ZNF804A: variants seen among roughly 807,000 people sequenced by gnomAD.
ZNF804A encodes the protein zinc finger protein 804A.
Under a neutral mutation model 16.5 loss-of-function variants are expected in ZNF804A, and 2 were observed. That is an observed-to-expected ratio of 0.12 (90% CI 0.05 to 0.38). ZNF804A has a LOEUF of 0.38. ZNF804A is among the 10% of genes least tolerant of loss of function. The pLI is 0.99. For missense variants in ZNF804A, 1,473 were observed against 1,390.7 expected (o/e 1.06, Z -0.94); for synonymous variants, 534 against 489.6 (o/e 1.09, Z -1.20).
At chr2:184,882,310 C>T (rs1466270632) in intron 2 of ZNF804A, among the ~76,000 whole-genome samples, 1 of 151,940 alleles carries the variant, frequency 6.6e-6, no homozygotes, top group Non-Finnish European at 1.5e-5. Flanking sequence ...AAAGCAAGTT[C>T]CTAAAGACTT....
At chr2:184,828,638 G>A (rs557655575) in intron 1 of ZNF804A, among the ~76,000 whole-genome samples, 62 of 151,554 alleles carry the variant, frequency 4.1e-4, no homozygotes, top group Non-Finnish European at 7.8e-4. Flanking sequence ...GTATTTCAAT[G>A]CTTATTTCCT....
intron 1 of ZNF804A, among the ~76,000 whole-genome samples, chr2:184,755,387 G>T (rs965944400): frequency 6.6e-6 from 1 of 151,790 alleles, no homozygotes; most frequent in Non-Finnish European, 1.5e-5. Context: ...TTCACATGGG[G>T]TGCATCCCAA....
At chr2:184,672,768 C>T (rs532400526) in intron 1 of ZNF804A, among the ~76,000 whole-genome samples, 23 of 147,160 alleles carry the variant, frequency 1.6e-4, no homozygotes, top group African/African-American at 4.5e-4. Context: ...CTTTTTCTTT[C>T]GTTCGTTTTG....
chr2:184,762,855 T>C (rs1470806501), intron 1 of ZNF804A, among the ~76,000 whole-genome samples: 1 of 152,098 alleles, frequency 6.6e-6, no homozygotes, highest in Non-Finnish European at 1.5e-5. Flanking sequence ...AAATAAACAT[T>C]TAAAAGAGAA....
At chr2:184,607,190 T>C (rs1691161771) in intron 1 of ZNF804A, among the ~76,000 whole-genome samples, 1 of 152,220 alleles carries the variant, frequency 6.6e-6, no homozygotes, top group African/African-American at 2.4e-5. Flanking sequence ...TATTCTTATC[T>C]GTTCAACCCC....
intron 1 of ZNF804A, among the ~76,000 whole-genome samples, chr2:184,762,999 C>G (rs1040147417): frequency 3.9e-5 from 6 of 152,056 alleles, no homozygotes; most frequent in Non-Finnish European, 8.8e-5. Flanking sequence ...GCCATTTAGT[C>G]ATTAGAATAT....
chr2:184,779,060 T>A (rs950377202), intron 1 of ZNF804A, among the ~76,000 whole-genome samples: 2 of 151,728 alleles, frequency 1.3e-5, no homozygotes, highest in Admixed American at 1.3e-4. Context: ...AATTTCACCA[T>A]TGTTTATCAT....
intron 1 of ZNF804A, among the ~76,000 whole-genome samples, chr2:184,851,353 C>T (rs920895664): frequency 2.6e-5 from 4 of 151,836 alleles, no homozygotes; most frequent in Non-Finnish European, 4.4e-5. Flanking sequence ...ACCCCTACCC[C>T]TATACCCTGG....
intron 2 of ZNF804A, among the ~76,000 whole-genome samples, chr2:184,924,262 T>C (rs891139947): frequency 6.6e-6 from 1 of 151,974 alleles, no homozygotes; most frequent in African/African-American, 2.4e-5. Flanking sequence ...GTTACTGGTC[T>C]GTTTGAGTTT....
intron 2 of ZNF804A, among the ~76,000 whole-genome samples, chr2:184,894,341 C>T (rs1035848940): frequency 1.3e-5 from 2 of 152,042 alleles, no homozygotes; most frequent in African/African-American, 4.8e-5. Context: ...TTAAATGCTA[C>T]ATGAAATTTT....
At position 184,904,639 on chromosome 2, in the gene ZNF804A, A is replaced by G. The variant is rs556113182; in HGVS notation, c.256-28964A>G. Among the ~76,000 whole-genome samples the G allele has an allele frequency of 1.3e-3, 204 of 152,092 alleles. 1 individual carries two copies. Among genetic ancestry groups the G allele is most frequent in the Non-Finnish European group, 2.1e-3 (146 of 67,980 alleles). ...AATACTGTATAACTACCTATAAAAG[A>G]AGGGTAAAATTAAGTCCTTAGTTTA... On this transcript the variant is annotated intron_variant, in intron 2 of 3. Coordinates refer to ENST00000302277, the MANE Select transcript of ZNF804A (RefSeq NM_194250.2).
intron 1 of ZNF804A, among the ~76,000 whole-genome samples, chr2:184,661,005 A>G (rs12469693): frequency 4.6e-5 from 7 of 152,246 alleles, no homozygotes; most frequent in Admixed American, 3.3e-4. Context: ...TTTCTAAAAA[A>G]CAAAGTTTTC....
chr2:184,774,285 G>C (rs562976495), intron 1 of ZNF804A, among the ~76,000 whole-genome samples: 1 of 151,948 alleles, frequency 6.6e-6, no homozygotes, highest in Non-Finnish European at 1.5e-5. Flanking sequence ...ATAATGAGGT[G>C]GCGACTAATG....
chr2:184,631,362 C>A (rs558404864), intron 1 of ZNF804A, among the ~76,000 whole-genome samples: 18 of 152,228 alleles, frequency 1.2e-4, no homozygotes, highest in African/African-American at 4.1e-4. Flanking sequence ...TTTGGAGTTA[C>A]CATTATTGCA....
intron 1 of ZNF804A, among the ~76,000 whole-genome samples, chr2:184,838,505 C>A (rs1158125954): frequency 6.6e-6 from 1 of 152,008 alleles, no homozygotes; most frequent in Non-Finnish European, 1.5e-5. Flanking sequence ...ATAGAGATTT[C>A]TAGGAAATTT....
At chr2:184,810,592 G>C (rs566237977) in intron 1 of ZNF804A, among the ~76,000 whole-genome samples, 1 of 143,460 alleles carries the variant, frequency 7.0e-6, no homozygotes, top group African/African-American at 2.6e-5. Flanking sequence ...CCAGGTTCAC[G>C]CCATTCTCCT....
chr2:184,863,504 T>A (rs1318077395), intron 1 of ZNF804A, among the ~76,000 whole-genome samples: 1 of 151,766 alleles, frequency 6.6e-6, no homozygotes, highest in Non-Finnish European at 1.5e-5. Flanking sequence ...TTTTGTAGAC[T>A]GGGTAAACAG....
chr2:184,760,832 G>T (rs1694028354), intron 1 of ZNF804A, among the ~76,000 whole-genome samples: 2 of 152,044 alleles, frequency 1.3e-5, no homozygotes, highest in Non-Finnish European at 2.9e-5. Context: ...TACGTTATTG[G>T]TTGCCTGACT....
chr2:184,832,457 A>C (rs1695278535), intron 1 of ZNF804A, among the ~76,000 whole-genome samples: 1 of 152,002 alleles, frequency 6.6e-6, no homozygotes, highest in Non-Finnish European at 1.5e-5. Flanking sequence ...ATTATTTGCA[A>C]TGAAATCGGT....
Sources: gnomAD v4.1 joint callset for allele counts (sites outside exome capture counted in the v4.1 genomes callset) on GRCh38, gnomAD v4.1.1 for gene constraint, MANE v1.5 for transcripts, NCBI Gene and HGNC (gene_info 2026-07-23, HGNC 2026-07-21) for gene names.